Variants in ENDOU observed in about 807,000 individuals in gnomAD.
The protein encoded by ENDOU is endonuclease, poly(U) specific.
Under a neutral mutation model 54.2 loss-of-function variants are expected in ENDOU, and 49 were observed. That is an observed-to-expected ratio of 0.90 (90% CI 0.72 to 1.15). The LOEUF is 1.15. ENDOU is among the 50% of genes most tolerant of loss of function. The pLI is 0.00. For missense variants in ENDOU, 458 were observed against 511.4 expected (o/e 0.90, Z 1.01); for synonymous variants, 172 against 190.5 (o/e 0.90, Z 0.80).
intron 2 of ENDOU, chr12:47,720,009 A>G (rs1418348130): frequency 2.0e-5 from 3 of 152,252 alleles, no homozygotes; most frequent in Admixed American, 2.0e-4. Context: ...AACCTGTGCA[A>G]TGATTATGCA....
At chr12:47,720,913 G>T in intron 1 of ENDOU, 38 bp from the exon 2 acceptor site, 1 of 1,534,474 alleles carries the variant, frequency 6.5e-7, no homozygotes, top group South Asian at 1.2e-5. Flanking sequence ...GCTCTATGGA[G>T]ACCCTGTTCT....
intron 6 of ENDOU, 108 bp from the exon 7 acceptor site, chr12:47,713,496 G>C: frequency 1.4e-6 from 1 of 726,938 alleles, no homozygotes; most frequent in Non-Finnish European, 2.4e-6. Flanking sequence ...AGAAACATGT[G>C]GGTTCAATCA....
chr12:47,711,800 G>C (rs560036667), intron 8 of ENDOU, 25 bp from the exon 9 acceptor site: 7 of 1,613,514 alleles, frequency 4.3e-6, no homozygotes, highest in Non-Finnish European at 5.9e-6. Context: ...GCAGAAAAGG[G>C]GGTCTGGTGA....
intron 2 of ENDOU, chr12:47,719,595 T>C (rs972664517): frequency 6.6e-6 from 1 of 152,198 alleles, no homozygotes; most frequent in Admixed American, 6.5e-5. Flanking sequence ...TATGGTTTTA[T>C]AAAGTGCAGT....
intron 6 of ENDOU, among the ~76,000 whole-genome samples, chr12:47,714,169 C>A (rs1209505199): frequency 6.6e-6 from 1 of 152,168 alleles, no homozygotes; most frequent in Admixed American, 6.5e-5. Flanking sequence ...CTAATTATCC[C>A]CAACTTAGAA....
At chr12:47,720,306 A>G (rs748080503) in intron 2 of ENDOU, 2 of 154,566 alleles carry the variant, frequency 1.3e-5, no homozygotes, top group Admixed American at 6.5e-5. Flanking sequence ...TCACTAGAGG[A>G]AGAGTGGTAT....
chr12:47,719,560 A>C (rs1476931134), intron 2 of ENDOU: 1 of 152,218 alleles, frequency 6.6e-6, no homozygotes, highest in African/African-American at 2.4e-5. Context: ...GGTTCTCGTG[A>C]TAGTGAATAA....
Position 47,711,699 on chromosome 12 carries a change from A to C in ENDOU, c.1049T>G (p.Ile350Ser). Reference sequence around the variant, plus strand: ...AAACTCAAACTCAGGGCTGCTGCCGATGAAAGCAGAGCCCACTTCCTTATA... The same window carrying C: ...AAACTCAAACTCAGGGCTGCTGCCGCTGAAAGCAGAGCCCACTTCCTTATA... ...GYYKEVGSAF[I>S]GSSPEFEFAL... Residue 350 changes from isoleucine (I) to serine (S), a missense_variant, in exon 9 of 10, where the codon ATC becomes AGC. Physicochemically the swap from Ile to Ser is moderately radical, Grantham distance 142 (BLOSUM62 -2). Transcript: ENST00000422538. The C allele has an allele frequency of 6.2e-7, 1 of 1,614,226 alleles. No individual in the cohort carries two copies. Among genetic ancestry groups the C allele is most frequent in the Non-Finnish European group, 8.5e-7 (1 of 1,180,038 alleles).
intron 1 of ENDOU, among the ~76,000 whole-genome samples, chr12:47,723,110 C>T (rs934541010): frequency 2.6e-5 from 4 of 152,194 alleles, no homozygotes; most frequent in African/African-American, 9.6e-5. Flanking sequence ...CAGCAGCTGG[C>T]ACCAGTTGAG....
Position 47,716,967 on chromosome 12 carries a change from C to T in ENDOU, c.474G>A (p.Lys158=), listed in dbSNP as rs911603763. The change falls in exon 5 of 10, where the codon AAG becomes AAA. Residue 158 remains lysine (K), a synonymous_variant. Transcript: ENST00000422538. ...IYRADTNKAQ[K]EDIVLNSQNC... The stretch of plus-strand genomic sequence containing the variant: ...TTTGGCTATTGAGAACGATGTCTTC[C>T]TTCTGGGCTTTGTTGGTGTCTGCCC... 1 of 1,613,930 alleles carries T rather than the reference C, an allele frequency of 6.2e-7. No individual in the cohort carries two copies. The highest frequency in any genetic ancestry group is 8.5e-7 in the Non-Finnish European group (1 of 1,179,892).
chr12:47,712,096 C>G (rs1250528628), intron 8 of ENDOU, among the ~76,000 whole-genome samples: 1 of 152,214 alleles, frequency 6.6e-6, no homozygotes, highest in Non-Finnish European at 1.5e-5. Flanking sequence ...GGATCGTTTA[C>G]TGCCCCCAAA....
At position 47,711,743 on chromosome 12, in the gene ENDOU, C is replaced by A. The variant is rs1940017611; in HGVS notation, c.1005G>T (p.Gln335His). The change falls in exon 9 of 10, where the codon CAG (glutamine) becomes CAT (histidine). Residue 335 changes from glutamine to histidine, a missense_variant. Physicochemically the swap from Gln to His is conservative, Grantham distance 24. Coordinates refer to ENST00000422538, the MANE Select transcript of ENDOU (RefSeq NM_001172439.2). ...WDSYPDVLAMQFNWDGYYKEV... is the reference protein window; with the variant it reads ...WDSYPDVLAMHFNWDGYYKEV... ...CCTTATAGTAGCCGTCCCAGTTGAA[C>A]TGCATTGCCAGCACATCGGGGTAAG... The A allele has an allele frequency of 1.2e-6, 2 of 1,614,090 alleles. No homozygotes were observed. The highest frequency in any genetic ancestry group is 1.3e-5 in the African/African-American group (1 of 74,936).
At chr12:47,724,298 C>G (rs958971671) in intron 1 of ENDOU, among the ~76,000 whole-genome samples, 1 of 152,176 alleles carries the variant, frequency 6.6e-6, no homozygotes, top group South Asian at 2.1e-4. Context: ...AGGGCCCAGG[C>G]AGAGCTGGTT....
chr12:47,710,791 T>G lies in ENDOU; in HGVS notation c.*11A>C. ...AAGAGCCCTCATGCCCCTTTCTGGCTCGAAGTTCTATTAGGTGGAAGACAC... is the reference window on the plus strand; with the variant it reads ...AAGAGCCCTCATGCCCCTTTCTGGCGCGAAGTTCTATTAGGTGGAAGACAC... On this transcript the variant is annotated 3_prime_UTR_variant, in exon 10 of 10. Coordinates refer to ENST00000422538, the MANE Select transcript of ENDOU (RefSeq NM_001172439.2). The G allele has an allele frequency of 2.5e-6, 4 of 1,596,740 alleles. No homozygotes were observed. Among genetic ancestry groups the G allele is most frequent in the Non-Finnish European group, 3.4e-6 (4 of 1,164,186 alleles).
Position 47,720,765 on chromosome 12 carries a change from G to T in ENDOU, c.166C>A (p.His56Asn). 2 of 1,536,114 alleles carry T rather than the reference G, an allele frequency of 1.3e-6. No individual in the cohort carries two copies. Among genetic ancestry groups the T allele is most frequent in the African/African-American group, 1.4e-5 (1 of 73,184 alleles). ...WHGNCCEDYE[H>N]LCTEDHKESE... ...CAAGGAGGCTCACCAGTACACAGATGTTCATAGTCTTCACAGCAGTTCCCA... is the reference window on the plus strand; with the variant it reads ...CAAGGAGGCTCACCAGTACACAGATTTTCATAGTCTTCACAGCAGTTCCCA... The change falls in exon 2 of 10, where the codon CAT (histidine) becomes AAT (asparagine). Residue 56 changes from histidine to asparagine, a missense_variant. Coordinates refer to ENST00000422538, the MANE Select transcript of ENDOU (RefSeq NM_001172439.2).
intron 1 of ENDOU, among the ~76,000 whole-genome samples, chr12:47,722,397 C>T (rs1197265711): frequency 3.3e-5 from 5 of 152,162 alleles, no homozygotes; most frequent in Admixed American, 2.0e-4. Context: ...ATTTGAACTT[C>T]TGTGCGTTGG....
At chr12:47,713,200 G>T in intron 7 of ENDOU, 75 bp downstream of exon 7, 1 of 1,026,024 alleles carries the variant, frequency 9.7e-7, no homozygotes, top group South Asian at 1.3e-5. Context: ...TCCACACCCA[G>T]GGCTGCCCTG....
chr12:47,720,638 T>C, intron 2 of ENDOU, 115 bp downstream of exon 2: 1 of 1,159,992 alleles, frequency 8.6e-7, no homozygotes, highest in Non-Finnish European at 1.2e-6. Flanking sequence ...CAGTGCTTTC[T>C]GTCCAGACCC....
In ENDOU at chr12:47,716,599, G is replaced by A. The variant is rs892026698; in HGVS notation, c.552-100C>T. 1.3e-5 allele frequency: 15 copies of A among 1,111,740 alleles called. No homozygotes were observed. The South Asian group carries it at 2.0e-4, about 15-fold the overall frequency. The allele number at this position is 1,111,740 out of a possible 1,614,324, so 68.9% of individuals were successfully genotyped here. Reference sequence around the variant, plus strand: ...GGCCAGGGGCAGACAGGCGAGGGCTGGGTTCAGGAGCCGAGGGGGCACTTC... The same window carrying A: ...GGCCAGGGGCAGACAGGCGAGGGCTAGGTTCAGGAGCCGAGGGGGCACTTC... On this transcript the variant is annotated intron_variant, in intron 5 of 9. Coordinates refer to ENST00000422538, the MANE Select transcript of ENDOU (RefSeq NM_001172439.2).
Sources: gnomAD v4.1 joint callset for allele counts (sites outside exome capture counted in the v4.1 genomes callset) on GRCh38, gnomAD v4.1.1 for gene constraint, MANE v1.5 for transcripts, NCBI Gene and HGNC (gene_info 2026-07-23, HGNC 2026-07-21) for gene names.